The following GDF1 variants were observed in gnomAD, a reference collection of about 807,000 sequenced individuals.
GDF1 encodes the protein embryonic growth/differentiation factor 1.
Under a neutral mutation model 7.4 loss-of-function variants are expected in GDF1, and 8 were observed. That is an observed-to-expected ratio of 1.09 (90% confidence interval 0.64 to 1.96). The LOEUF (loss-of-function observed/expected upper bound fraction) is 1.96. GDF1 is among the 30% of genes most tolerant of loss of function. GDF1 has a pLI of 0.00. For synonymous variants in GDF1, 311 were observed against 276.7 expected (o/e 1.12, Z -1.23); for missense variants, 574 against 551.5 (o/e 1.04, Z -0.41).
intron 2 of GDF1, 50 bp from the exon 3 acceptor site, chr19:18,884,317 A>G (rs1405384273): frequency 6.5e-6 from 10 of 1,533,732 alleles, no homozygotes; most frequent in Non-Finnish European, 7.9e-6. Context: ...CCTCTAGACG[A>G]TCGCCTCCAT....
At chr19:18,886,479 G>A (rs1414936709) in intron 2 of GDF1, among the ~76,000 whole-genome samples, 2 of 152,074 alleles carry the variant, frequency 1.3e-5, no homozygotes, top group Non-Finnish European at 2.9e-5. Context: ...AGTCCTGAAG[G>A]GAGGCAGAGG....
Position 18,870,602 on chromosome 19 carries a change from C to A in GDF1, c.-295G>T. ...TCAGAAGCGCTTGTCCTTCACCAGG[C>A]CGTTCCTCAGTGGCTTCCTGGGGGT... On this transcript the variant is annotated 5_prime_UTR_variant, in exon 7 of 8. Transcript: ENST00000247005. This position sits in a 1 kb window ranked among gnomAD's most constrained non-coding sequence, Gnocchi z 5.1. 1 of 585,828 alleles carries A rather than the reference C, an allele frequency of 1.7e-6. No individual in the cohort carries two copies. The highest frequency in any genetic ancestry group is 3.0e-5 in the Admixed American group (1 of 33,124). 36.3% of individuals were successfully genotyped at this position (585,828 alleles called of 1,614,324 possible). A position where few individuals can be genotyped will look rare whatever the true frequency, so the allele number is the denominator to read the frequency against.
Position 18,868,819 on chromosome 19 carries a change from C to T in GDF1, c.897G>A (p.Gln299=). 1.4e-6 allele frequency: 2 copies of T among 1,457,488 alleles called. No individual in the cohort carries two copies. Among genetic ancestry groups the T allele is most frequent in the South Asian group, 1.2e-5 (1 of 81,126 alleles). The allele number at this position is 1,457,488 out of a possible 1,614,324, so 90.3% of individuals were successfully genotyped here. A position where few individuals can be genotyped will look rare whatever the true frequency, so the allele number is the denominator to read the frequency against. The change falls in exon 8 of 8, where the codon CAG becomes CAA. Residue 299 remains glutamine, a synonymous_variant. Transcript: ENST00000247005. ...RGFLANYCQG[Q]CALPVALSGS... is the part of the protein sequence containing the mutation. Reference sequence around the variant, plus strand: ...CCGACAGCGCGACGGGCAGCGCGCACTGACCCTGGCAGTAGTTGGCCAGGA... The same window carrying T: ...CCGACAGCGCGACGGGCAGCGCGCATTGACCCTGGCAGTAGTTGGCCAGGA...
At position 18,895,181 on chromosome 19, in the gene GDF1, C is replaced by T. The variant is rs1481170208; in HGVS notation, c.-1074+643G>A. 6.6e-6 allele frequency among the ~76,000 whole-genome samples: 1 copy of T among 152,260 alleles called. No homozygotes were observed. Among genetic ancestry groups the T allele is most frequent in the East Asian group, 1.9e-4 (1 of 5,196 alleles). The stretch of plus-strand genomic sequence containing the variant: ...CAGAGCACCCAGGCCCTTGCCATCC[C>T]TGGTCGGAGGGTGGCGCTGACCCCA... On this transcript the variant is annotated intron_variant, in intron 1 of 7. Transcript: ENST00000247005. The surrounding 1 kb of genome is among the most constrained non-coding windows in gnomAD (Gnocchi z 6.4).
rs1334821444 is a variant in GDF1, at chr19:18,895,843, G to T, written c.-1093C>A. On this transcript the variant is annotated 5_prime_UTR_variant, in exon 1 of 8. Coordinates refer to ENST00000247005, the MANE Select transcript of GDF1 (RefSeq NM_001492.6). This position sits in a 1 kb window ranked among gnomAD's most constrained non-coding sequence, Gnocchi z 6.4. Reference sequence around the variant, plus strand: ...ACTGACCCGAAAGAGGCGCGCAGTGGCCGCGGAGCGCAGGGCGGTCCAGCC... The same window carrying T: ...ACTGACCCGAAAGAGGCGCGCAGTGTCCGCGGAGCGCAGGGCGGTCCAGCC... The T allele has an allele frequency of 1.5e-6, 2 of 1,295,564 alleles. No homozygotes were observed. The highest frequency in any genetic ancestry group is 2.0e-5 in the South Asian group (1 of 51,132). 80.3% of individuals were successfully genotyped at this position (1,295,564 alleles called of 1,614,324 possible). A position where few individuals can be genotyped will look rare whatever the true frequency, so the allele number is the denominator to read the frequency against.
rs373371662 is a variant in GDF1 at position 18,893,987 on chromosome 19, G to C, written c.-1073-412C>G. On this transcript the variant is annotated intron_variant, in intron 1 of 7. Transcript: ENST00000247005. ...GAAACACAGAGAGCCCCATGGGACC[G>C]ACACAGAGGGGAGAGGAAGAACTTG... Among the ~76,000 whole-genome samples, 79 of 151,980 alleles carry C rather than the reference G, an allele frequency of 5.2e-4. No individual in the cohort carries two copies. In the East Asian group the frequency reaches 0.012, roughly 23 times the overall value.
In GDF1 at chr19:18,870,349, G is replaced by T; in HGVS notation, c.-42C>A. ...GACCAGAGAGTGCGCAGGGTCCGCGGCGGCCCGGGACCAGTGGGCTGAGGG... is the reference window on the plus strand; with the variant it reads ...GACCAGAGAGTGCGCAGGGTCCGCGTCGGCCCGGGACCAGTGGGCTGAGGG... On this transcript the variant is annotated 5_prime_UTR_variant, in exon 7 of 8. Coordinates refer to ENST00000247005, the MANE Select transcript of GDF1 (RefSeq NM_001492.6). This position sits in a 1 kb window ranked among gnomAD's most constrained non-coding sequence, Gnocchi z 5.1. 6.5e-7 allele frequency: 1 copy of T among 1,541,846 alleles called. No individual in the cohort carries two copies.
chr19:18,888,724 G>A (rs139648685), intron 2 of GDF1, among the ~76,000 whole-genome samples: 2 of 147,646 alleles, frequency 1.4e-5, no homozygotes, highest in Non-Finnish European at 3.0e-5. Flanking sequence ...CAGCTACTCC[G>A]GAGGCTGAGG....
At position 18,893,434 on chromosome 19, in the gene GDF1, G is replaced by A. The variant is rs759382825; in HGVS notation, c.-932C>T. On this transcript the variant is annotated 5_prime_UTR_variant, in exon 2 of 8. Coordinates refer to ENST00000247005, the MANE Select transcript of GDF1 (RefSeq NM_001492.6). ...CCCCTACCGTAGAAGACAGATGGTG[G>A]GTCATGGAAGAAGGGGTAGTCGGTG... 1 of 1,604,954 alleles carries A rather than the reference G, an allele frequency of 6.2e-7. No individual in the cohort carries two copies. Among genetic ancestry groups the A allele is most frequent in the Non-Finnish European group, 8.5e-7 (1 of 1,176,146 alleles).
At chr19:18,869,590 G>A (rs1354579904) in intron 7 of GDF1, among the ~76,000 whole-genome samples, 200 bp from the exon 8 acceptor site, 1 of 151,012 alleles carries the variant, frequency 6.6e-6, no homozygotes, top group Non-Finnish European at 1.5e-5. Flanking sequence ...GTGCGGCGGG[G>A]GGGGTGGGCT....
Position 18,888,247 on chromosome 19 carries a change from T to C in GDF1, c.-913-3980A>G, listed in dbSNP as rs568807080. 4.0e-5 allele frequency among the ~76,000 whole-genome samples: 6 copies of C among 150,962 alleles called. No homozygotes were observed. The East Asian group carries it at 1.2e-3, about 30-fold the overall frequency. On this transcript the variant is annotated intron_variant, in intron 2 of 7. Coordinates refer to ENST00000247005, the MANE Select transcript of GDF1 (RefSeq NM_001492.6). ...GGTGATACACACCTGTAGTCCCAGC[T>C]ATTCGGGAGGCTGAGGCAGGAGAAT...
Position 18,868,689 on chromosome 19 carries a change from ACAGGCGCG to A in GDF1, c.1019_1026del (p.Ala340ValfsTer9), listed in dbSNP as rs1463384199. 6.4e-7 allele frequency: 1 copy of A among 1,563,338 alleles called. No homozygotes were observed. ...TCAAAGAAGAGCACGGAGATGGGCG[ACAGGCGCG>A]CGGGCACGCAGCAGGGCAGGTCGGC... On this transcript the variant is annotated frameshift_variant, in exon 8 of 8. Coordinates refer to ENST00000247005, the MANE Select transcript of GDF1 (RefSeq NM_001492.6). LOFTEE classifies it low-confidence loss of function (END_TRUNC).
rs893144604 is a variant in GDF1, at chr19:18,878,829, C to T, written c.-313+101G>A. On this transcript the variant is annotated intron_variant, in intron 6 of 7. Transcript: ENST00000247005. The surrounding 1 kb of genome is among the most constrained non-coding windows in gnomAD (Gnocchi z 4.6). Reference sequence around the variant, plus strand: ...TAGGCTTGGGGGGCAGCATCCGCGTCGGCCTCATCTGCTGCTGGGTCTTGG... The same window carrying T: ...TAGGCTTGGGGGGCAGCATCCGCGTTGGCCTCATCTGCTGCTGGGTCTTGG... 53 of 1,520,402 alleles carry T rather than the reference C, an allele frequency of 3.5e-5. No individual in the cohort carries two copies. The highest frequency in any genetic ancestry group is 3.8e-4 in the Middle Eastern group (2 of 5,248). 94.2% of individuals were successfully genotyped at this position (1,520,402 alleles called of 1,614,324 possible). A position where few individuals can be genotyped will look rare whatever the true frequency, so the allele number is the denominator to read the frequency against.
intron 3 of GDF1, among the ~76,000 whole-genome samples, chr19:18,881,221 AT>A (rs764854215): frequency 6.9e-4 from 95 of 138,402 alleles, no homozygotes; most frequent in East Asian, 1.5e-3. Context: ...TTTTTTTTTA[AT>A]TTTTTTTTTT....
At position 18,870,190 on chromosome 19, in the gene GDF1, G is replaced by A; in HGVS notation, c.118C>T (p.Leu40Phe). 6.4e-7 allele frequency: 1 copy of A among 1,562,502 alleles called. No homozygotes were observed. The highest frequency in any genetic ancestry group is 2.3e-5 in the East Asian group (1 of 43,632). ...PVPPGPAAAL[L>F]QALGLRDEPQ... ...TCATCGCGCAGTCCTAGAGCCTGGA[G>A]CAGGGCGGCGGCTGGGCCTGGGGGC... Residue 40 changes from leucine (L) to phenylalanine (F), a missense_variant, in exon 7 of 8, where the codon CTC (leucine) becomes TTC (phenylalanine). By Grantham distance (22) the Leu-to-Phe change is conservative (BLOSUM62 0). Transcript: ENST00000247005. The surrounding 1 kb of genome is among the most constrained non-coding windows in gnomAD (Gnocchi z 5.1).
chr19:18,884,860 C>A (rs987053080), intron 2 of GDF1, among the ~76,000 whole-genome samples: 2 of 151,742 alleles, frequency 1.3e-5, no homozygotes, highest in African/African-American at 4.8e-5. Flanking sequence ...ATTACAGGCG[C>A]TGGACACCAT....
chr19:18,893,640 G>A (rs989683685), intron 1 of GDF1, 65 bp from the exon 2 acceptor site: 70 of 1,508,738 alleles, frequency 4.6e-5, no homozygotes, highest in Non-Finnish European at 6.2e-5. Flanking sequence ...CCTTTGGGGT[G>A]GGGAAACTGA....
rs150362265 is a variant in GDF1, at chr19:18,873,556, G to A, written c.-312-2937C>T. On this transcript the variant is annotated intron_variant, in intron 6 of 7. Coordinates refer to ENST00000247005, the MANE Select transcript of GDF1 (RefSeq NM_001492.6). ...TACAAAAATTTTAAAAATTAGCCGG[G>A]GCCAAGCATGGTGGCTGATACCTGT... Among the ~76,000 whole-genome samples, 8 of 151,998 alleles carry A rather than the reference G, an allele frequency of 5.3e-5. No individual in the cohort carries two copies. In the South Asian group the frequency reaches 1.0e-3, roughly 20 times the overall value.
rs945025237 is a variant in GDF1, at chr19:18,868,681, G to A, written c.1035C>T (p.Ile345=). The A allele has an allele frequency of 3.2e-6, 5 of 1,570,502 alleles. No individual in the cohort carries two copies. In the Admixed American group the frequency reaches 5.6e-5, roughly 17 times the overall value. The change falls in exon 8 of 8, where the codon ATC becomes ATT. Residue 345 remains isoleucine, a synonymous_variant. Transcript: ENST00000247005. ...PCCVPARLSP[I]SVLFFDNSDN... ...CGCTGTTGTCAAAGAAGAGCACGGA[G>A]ATGGGCGACAGGCGCGCGGGCACGC...
Sources: gnomAD v4.1 joint callset for allele counts (sites outside exome capture counted in the v4.1 genomes callset) on GRCh38, gnomAD v4.1.1 for gene constraint, Gnocchi (gnomAD v3.1) non-coding constraint, MANE v1.5 for transcripts, NCBI Gene and HGNC (gene_info 2026-07-23, HGNC 2026-07-21) for gene names.